TMEM51: variants seen among roughly 807,000 people sequenced by gnomAD.
TMEM51 encodes chromosome 1 open reading frame 72.
A neutral mutation model predicts 13.6 loss-of-function variants in TMEM51; 8 were observed. The ratio of observed to expected loss-of-function variants is 0.59; its 90% CI spans 0.35 to 1.07. The LOEUF is 1.07. Among genes scored for constraint, TMEM51 ranks in the 50% least tolerant of loss-of-function variants. TMEM51 has a pLI of 0.02. For synonymous variants in TMEM51, 147 were observed against 144.4 expected (o/e 1.02, Z -0.13); for missense variants, 279 against 330.7 (o/e 0.84, Z 1.21).
At chr1:15,181,403 G>T (rs1643611156) in intron 1 of TMEM51, among the ~76,000 whole-genome samples, 1 of 152,196 alleles carries the variant, frequency 6.6e-6, no homozygotes, top group East Asian at 1.9e-4. Context: ...CCTCCAGGTG[G>T]CATGTGGCAA....
chr1:15,208,047 A>C (rs1557855942), intron 1 of TMEM51, among the ~76,000 whole-genome samples: 1 of 152,224 alleles, frequency 6.6e-6, no homozygotes, highest in Non-Finnish European at 1.5e-5. Context: ...AGTTCCTGGC[A>C]TGCGGTGCTG....
intron 1 of TMEM51, among the ~76,000 whole-genome samples, chr1:15,184,854 G>C (rs1289487781): frequency 5.4e-5 from 1 of 18,466 alleles, no homozygotes; most frequent in Non-Finnish European, 1.2e-4. Flanking sequence ...AGACATTTTT[G>C]GTTGCCCCCA....
chr1:15,211,113 T>C (rs909874464), intron 2 of TMEM51, among the ~76,000 whole-genome samples: 4 of 152,240 alleles, frequency 2.6e-5, no homozygotes, highest in African/African-American at 9.6e-5. Context: ...TCATGGTGAA[T>C]CCCATCACAC....
intron 1 of TMEM51, among the ~76,000 whole-genome samples, chr1:15,189,218 T>TTTTTC (rs1643877765): frequency 7.1e-6 from 1 of 141,308 alleles, no homozygotes; most frequent in African/African-American, 2.7e-5. Context: ...TTTTCCTTTT[T>TTTTTC]TTTTTTTTTT....
chr1:15,194,388 G>T (rs1483479662), intron 1 of TMEM51, among the ~76,000 whole-genome samples: 1 of 152,200 alleles, frequency 6.6e-6, no homozygotes, highest in Non-Finnish European at 1.5e-5. Context: ...CAGCAAGCTG[G>T]GTGTGATTGT....
rs542647303 is a variant in TMEM51, at chr1:15,162,397, G to A, written c.-267+8443G>A. 2.5e-4 allele frequency among the ~76,000 whole-genome samples: 38 copies of A among 152,004 alleles called. 1 individual carries two copies. Among genetic ancestry groups the A allele is most frequent in the African/African-American group, 9.2e-4 (38 of 41,382 alleles). On this transcript the variant is annotated intron_variant, in intron 1 of 3. Transcript: ENST00000376008. ...AAGCTGGTCTTGAACTCCTGGCCTC[G>A]AGTGATCCACATGCCTCGGCCTCCC...
intron 1 of TMEM51, among the ~76,000 whole-genome samples, chr1:15,165,288 T>A: frequency 6.6e-6 from 1 of 151,940 alleles, no homozygotes; most frequent in South Asian, 2.1e-4. Flanking sequence ...TGCAGTCCAG[T>A]CTGGGTGACC....
intron 1 of TMEM51, among the ~76,000 whole-genome samples, chr1:15,203,185 TCCTC>T (rs1171703733): frequency 2.0e-5 from 3 of 152,128 alleles, no homozygotes; most frequent in South Asian, 4.1e-4. Context: ...TTCATGTGAT[TCCTC>T]CCTCGCATCC....
chr1:15,199,893 C>T (rs1345995119), intron 1 of TMEM51, among the ~76,000 whole-genome samples: 1 of 152,166 alleles, frequency 6.6e-6, no homozygotes, highest in African/African-American at 2.4e-5. Flanking sequence ...GGGACCGTAG[C>T]ACTTCCTTCC....
At chr1:15,196,218 C>T (rs568217760) in intron 1 of TMEM51, among the ~76,000 whole-genome samples, 1 of 152,286 alleles carries the variant, frequency 6.6e-6, no homozygotes, top group African/African-American at 2.4e-5. Flanking sequence ...GGAGACCTGC[C>T]GTGCTGTGCC....
chr1:15,178,430 A>G (rs1308364862), intron 1 of TMEM51, among the ~76,000 whole-genome samples: 2 of 152,202 alleles, frequency 1.3e-5, no homozygotes, highest in Non-Finnish European at 2.9e-5. Flanking sequence ...AATTAAAAGC[A>G]GATGCCGGGC....
intron 3 of TMEM51, among the ~76,000 whole-genome samples, chr1:15,215,858 C>G (rs1644423508): frequency 6.6e-6 from 1 of 152,080 alleles, no homozygotes; most frequent in Middle Eastern, 3.2e-3. Context: ...GAAACCCTGT[C>G]TCTACTAAGA....
intron 1 of TMEM51, among the ~76,000 whole-genome samples, chr1:15,206,953 G>A (rs1404239083): frequency 4.6e-5 from 7 of 152,172 alleles, no homozygotes; most frequent in Non-Finnish European, 8.8e-5. Flanking sequence ...GAGGTAGCCT[G>A]AAACTCCCTC....
chr1:15,204,729 G>A (rs1396877454), intron 1 of TMEM51, among the ~76,000 whole-genome samples: 2 of 152,180 alleles, frequency 1.3e-5, no homozygotes, highest in Non-Finnish European at 2.9e-5. Flanking sequence ...GACAGAGGTG[G>A]GGATGACAGT....
chr1:15,179,647 T>C (rs1388491833), intron 1 of TMEM51, among the ~76,000 whole-genome samples: 1 of 152,014 alleles, frequency 6.6e-6, no homozygotes, highest in Admixed American at 6.6e-5. Context: ...GCGGGCGTGG[T>C]GGCGCATGCC....
At chr1:15,157,135 TC>T (rs1642616545) in intron 1 of TMEM51, among the ~76,000 whole-genome samples, 1 of 152,132 alleles carries the variant, frequency 6.6e-6, no homozygotes, top group Non-Finnish European at 1.5e-5. Context: ...GCCCTGTCCC[TC>T]CCAGACAGCC....
chr1:15,214,203 AAG>A (rs1644387683), intron 2 of TMEM51, among the ~76,000 whole-genome samples: 1 of 151,914 alleles, frequency 6.6e-6, no homozygotes, highest in Non-Finnish European at 1.5e-5. Flanking sequence ...TGGTCATGGG[AAG>A]AGAGAGACTC....
chr1:15,181,992 C>G lies in TMEM51; in HGVS notation c.-267+28038C>G, dbSNP rs550063659. ...CCTGACCCATATGGCAAAACCTTGT[C>G]TCTACTAAAAATACAAAAATTAGCT... On this transcript the variant is annotated intron_variant, in intron 1 of 3. Coordinates refer to ENST00000376008, the MANE Select transcript of TMEM51 (RefSeq NM_001136218.2). 2.6e-5 allele frequency among the ~76,000 whole-genome samples: 4 copies of G among 152,120 alleles called. No homozygotes were observed. In the South Asian group the frequency reaches 6.2e-4, roughly 24 times the overall value.
At chr1:15,206,151 G>A (rs1309999651) in intron 1 of TMEM51, among the ~76,000 whole-genome samples, 1 of 148,958 alleles carries the variant, frequency 6.7e-6, no homozygotes, top group Non-Finnish European at 1.5e-5. Context: ...TGGGAGGATT[G>A]CTTAAGCCTG....
Sources: gnomAD v4.1 joint callset for allele counts (sites outside exome capture counted in the v4.1 genomes callset) on GRCh38, gnomAD v4.1.1 for gene constraint, MANE v1.5 for transcripts, NCBI Gene and HGNC (gene_info 2026-07-23, HGNC 2026-07-21) for gene names.